The following FES variants were observed in gnomAD, a reference collection of about 807,000 sequenced individuals.
FES encodes tyrosine-protein kinase Fes/Fps.
A neutral mutation model predicts 109.6 loss-of-function variants in FES; 83 were observed. The ratio of observed to expected loss-of-function variants is 0.76; its 90% CI spans 0.63 to 0.91. The LOEUF is 0.91. FES is among the 40% of genes least tolerant of loss of function. The pLI, the probability that FES is intolerant of heterozygous loss-of-function variation, is 0.00. For missense variants in FES, 943 were observed against 1,070.9 expected (o/e 0.88, Z 1.67); for synonymous variants, 458 against 442.1 (o/e 1.04, Z -0.45).
rs774579132 is a variant in FES at position 90,893,465 on chromosome 15, G to T, written c.2045+51G>T. The T allele has an allele frequency of 1.5e-5, 22 of 1,514,080 alleles. No individual in the cohort carries two copies. The Admixed American group carries it at 2.7e-4, about 19-fold the overall frequency. 93.8% of individuals were successfully genotyped at this position (1,514,080 alleles called of 1,614,324 possible). ...TGCCAACACCCCCGACCAGAGTCAA[G>T]AGGTACCTATACCCCTAGGGCCCCC... On this transcript the variant is annotated intron_variant, in intron 16 of 18. Transcript: ENST00000328850.
Position 90,893,316 on chromosome 15 carries a change from C to T in FES, c.1947C>T (p.Arg649=). The change falls in exon 16 of 19, where the codon CGC becomes CGT. Residue 649 remains arginine, a synonymous_variant. Transcript: ENST00000328850. ...GGGGCGACTTCCTGACCTTCCTCCG[C>T]ACGGAGGGGGCCCGCCTGCGGGTGA... ...VQGGDFLTFL[R]TEGARLRVKT... 5 of 1,571,088 alleles carry T rather than the reference C, an allele frequency of 3.2e-6. No individual in the cohort carries two copies. The highest frequency in any genetic ancestry group is 4.3e-6 in the Non-Finnish European group (5 of 1,158,852).
chr15:90,885,237 C>T lies in FES; in HGVS notation c.192C>T (p.Ser64=). The stretch of plus-strand genomic sequence containing the variant: ...GTGGGGGCCAGAGCCGGGCCATCAG[C>T]CCTGACAGCCCCATCAGTCAGGTGG... ...QDSGGQSRAI[S]PDSPISQSWA... is the part of the protein sequence containing the mutation. Residue 64 remains serine (S), a synonymous_variant, in exon 2 of 19, where the codon AGC becomes AGT. Coordinates refer to ENST00000328850, the MANE Select transcript of FES (RefSeq NM_002005.4). The T allele has an allele frequency of 5.0e-6, 8 of 1,612,894 alleles. No homozygotes were observed. Among genetic ancestry groups the T allele is most frequent in the Non-Finnish European group, 6.8e-6 (8 of 1,179,848 alleles).
chr15:90,892,787 C>A lies in FES; in HGVS notation c.1788C>A (p.Leu596=). The change falls in exon 14 of 19, where the codon CTC becomes CTA. Residue 596 remains leucine (L), a synonymous_variant. Coordinates refer to ENST00000328850, the MANE Select transcript of FES (RefSeq NM_002005.4). ...CGGTGAAGTCTTGTCGAGAGACGCT[C>A]CCACCTGACCTCAAGGCCAAGTTTC... ...LVAVKSCRET[L]PPDLKAKFLQ... is the part of the protein sequence containing the mutation. 1 of 1,613,828 alleles carries A rather than the reference C, an allele frequency of 6.2e-7. No homozygotes were observed. The highest frequency in any genetic ancestry group is 8.5e-7 in the Non-Finnish European group (1 of 1,179,938).
chr15:90,894,977 G>T (rs1470425622), intron 18 of FES, among the ~76,000 whole-genome samples: 1 of 152,094 alleles, frequency 6.6e-6, no homozygotes, highest in African/African-American at 2.4e-5. Flanking sequence ...TGAGGCACAA[G>T]AATCGCTTGA....
At chr15:90,890,536 A>T in intron 10 of FES, 52 bp downstream of exon 10, 1 of 1,515,610 alleles carries the variant, frequency 6.6e-7, no homozygotes. Context: ...GAGTTTAATC[A>T]CTGGGATGTC....
At position 90,884,962 on chromosome 15, in the gene FES, C is replaced by T. The variant is rs548070560; in HGVS notation, c.-9-75C>T. 9.6e-4 allele frequency: 1,211 copies of T among 1,263,666 alleles called. 1 individual carries two copies. The highest frequency in any genetic ancestry group is 1.9e-3 in the Middle Eastern group (7 of 3,624). 78.3% of individuals were successfully genotyped at this position (1,263,666 alleles called of 1,614,324 possible). Reference sequence around the variant, plus strand: ...TGCAGTCCATCCTGACCCTACAGTCCCCAGTCTCCTCGTCCCATGCCTCCG... The same window carrying T: ...TGCAGTCCATCCTGACCCTACAGTCTCCAGTCTCCTCGTCCCATGCCTCCG... On this transcript the variant is annotated intron_variant, in intron 1 of 18. Transcript: ENST00000328850.
intron 5 of FES, 133 bp downstream of exon 5, chr15:90,887,503 TG>T: frequency 1.0e-6 from 1 of 952,962 alleles, no homozygotes; most frequent in Non-Finnish European, 1.5e-6. Context: ...GAACGGGACC[TG>T]GGCCAAGGAT....
Position 90,893,773 on chromosome 15 carries a change from TCCC to T in FES, c.2167_2169del (p.Pro723del). On this transcript the variant is annotated inframe_deletion, in exon 17 of 19. Coordinates refer to ENST00000328850, the MANE Select transcript of FES (RefSeq NM_002005.4). ...GCAGCCTCAGGGGGCCTCAGACAAGTCCCCGTGAAGTGGACCGCACCTGAGGCC... is the reference window on the plus strand; with the variant it reads ...GCAGCCTCAGGGGGCCTCAGACAAGTCGTGAAGTGGACCGCACCTGAGGCC... 2 of 1,606,058 alleles carry T rather than the reference TCCC, an allele frequency of 1.2e-6. No individual in the cohort carries two copies. The highest frequency in any genetic ancestry group is 1.7e-6 in the Non-Finnish European group (2 of 1,175,748).
Position 90,892,116 on chromosome 15 carries a change from G to C in FES, c.1707+5G>C, listed in dbSNP as rs752156143. 6.2e-7 allele frequency: 1 copy of C among 1,613,990 alleles called. No individual in the cohort carries two copies. The highest frequency in any genetic ancestry group is 8.5e-7 in the Non-Finnish European group (1 of 1,179,962). On this transcript the variant is annotated splice_donor_5th_base_variant and intron_variant, in intron 13 of 18. Transcript: ENST00000328850. ...TTGGGTGAGCAGATTGGACGGGTGA[G>C]TGCGCCTCTGCTGGCCTCCTTGTCG... is the stretch of plus-strand genomic sequence containing the variant.
Position 90,885,107 on chromosome 15 carries a change from AG to A in FES, c.64del (p.Ala22ProfsTer9). 3 of 1,613,846 alleles carry A rather than the reference AG, an allele frequency of 1.9e-6. No homozygotes were observed. The highest frequency in any genetic ancestry group is 2.5e-6 in the Non-Finnish European group (3 of 1,180,016). ...QGHGVLQQMQ[E>X]AELRLLEGMR... ...CACGGGGTCCTGCAGCAAATGCAGG[AG>A]GCCGAGCTTCGTCTACTGGAGGGCA... On this transcript the variant is annotated frameshift_variant, in exon 2 of 19. Coordinates refer to ENST00000328850, the MANE Select transcript of FES (RefSeq NM_002005.4). LOFTEE classifies it high-confidence loss of function.
Position 90,890,990 on chromosome 15 carries a change from A to C in FES, c.1329A>C (p.Pro443=). 1 of 1,584,690 alleles carries C rather than the reference A, an allele frequency of 6.3e-7. No individual in the cohort carries two copies. Among genetic ancestry groups the C allele is most frequent in the Non-Finnish European group, 8.6e-7 (1 of 1,165,466 alleles). ...GATCCTCCCTTGCCCAGCTCCCTCC[A>C]CCGCTGCAGCTCATTCCGGAGGTGC... ...GIFRPKFSLP[P]PLQLIPEVQK... Residue 443 remains proline, a synonymous_variant, in exon 11 of 19, where the codon CCA becomes CCC. Transcript: ENST00000328850.
chr15:90,888,564 G>A (rs1047003652), intron 5 of FES, among the ~76,000 whole-genome samples: 12 of 127,078 alleles, frequency 9.4e-5, no homozygotes, highest in Admixed American at 7.3e-4. Flanking sequence ...GAGGTGAGGC[G>A]CGGTCAGGTC....
chr15:90,892,963 G>T, intron 14 of FES, 137 bp from the exon 15 acceptor site: 3 of 1,314,838 alleles, frequency 2.3e-6, no homozygotes, highest in Non-Finnish European at 3.2e-6. Flanking sequence ...CCCTTATAGT[G>T]CCGAAGGGTA....
chr15:90,887,222 C>G lies in FES; in HGVS notation c.520C>G (p.Arg174Gly). 1 of 1,613,592 alleles carries G rather than the reference C, an allele frequency of 6.2e-7. No homozygotes were observed. The highest frequency in any genetic ancestry group is 8.5e-7 in the Non-Finnish European group (1 of 1,179,974). ...TGACAAGGCTAAGGACAAGTATGTG[C>G]GCAGCCTGTGGAAGCTCTTTGCTCA... ...DRDKAKDKYV[R>G]SLWKLFAHHN... The change falls in exon 5 of 19, where the codon CGC becomes GGC. Residue 174 changes from arginine to glycine, a missense_variant. Arg to Gly is a moderately radical substitution (Grantham distance 125, BLOSUM62 -2). Transcript: ENST00000328850.
At chr15:90,891,735 C>G in intron 12 of FES, 59 bp downstream of exon 12, 1 of 1,602,206 alleles carries the variant, frequency 6.2e-7, no homozygotes, top group Non-Finnish European at 8.5e-7. Flanking sequence ...GAGTGTGGGT[C>G]AGGCCCACCC....
rs1259855510 is a variant in FES, at chr15:90,889,155, G to T, written c.669-151G>T. On this transcript the variant is annotated intron_variant, in intron 5 of 18. Transcript: ENST00000328850. The surrounding 1 kb of genome is among the most constrained non-coding windows in gnomAD (Gnocchi z 6.1). ...TCAGGAAATAGAAGATTAGGGAGAGGTTAAATAATTTGCCTAGAGTGGCAT... is the reference window on the plus strand; with the variant it reads ...TCAGGAAATAGAAGATTAGGGAGAGTTTAAATAATTTGCCTAGAGTGGCAT... The T allele has an allele frequency of 1.1e-6, 1 of 919,326 alleles. No homozygotes were observed. Among genetic ancestry groups the T allele is most frequent in the Non-Finnish European group, 1.6e-6 (1 of 612,164 alleles). 56.9% of individuals were successfully genotyped at this position (919,326 alleles called of 1,614,324 possible).
At chr15:90,894,585 C>CAA (rs1229297262) in intron 18 of FES, among the ~76,000 whole-genome samples, 1 of 151,154 alleles carries the variant, frequency 6.6e-6, no homozygotes, top group Non-Finnish European at 1.5e-5. Flanking sequence ...AACTCCATCT[C>CAA]AAAAAAAACC....
intron 18 of FES, among the ~76,000 whole-genome samples, 167 bp downstream of exon 18, chr15:90,894,225 G>A (rs925457094): frequency 1.3e-5 from 2 of 152,188 alleles, no homozygotes; most frequent in African/African-American, 4.8e-5. Flanking sequence ...TGAGCTGGGT[G>A]GATCACTTGA....
intron 11 of FES, 77 bp downstream of exon 11, chr15:90,891,268 C>T: frequency 3.3e-6 from 5 of 1,498,402 alleles, no homozygotes; most frequent in Non-Finnish European, 3.6e-6. Flanking sequence ...AATGGCCTTT[C>T]AGGGTAGGGG....
Sources: gnomAD v4.1 joint callset for allele counts (sites outside exome capture counted in the v4.1 genomes callset) on GRCh38, gnomAD v4.1.1 for gene constraint, Gnocchi (gnomAD v3.1) non-coding constraint, MANE v1.5 for transcripts, NCBI Gene and HGNC (gene_info 2026-07-23, HGNC 2026-07-21) for gene names.